The following FGFRL1 variants were observed in gnomAD, a reference collection of about 807,000 sequenced individuals.
FGFRL1 encodes fibroblast growth factor receptor like 1.
In FGFRL1, 24 loss-of-function variants were observed where a neutral mutation model predicts 36.8. The ratio of observed to expected loss-of-function variants is 0.65; its 90% CI spans 0.47 to 0.92. The LOEUF (loss-of-function observed/expected upper bound fraction) is 0.92, where lower values mean the gene tolerates loss of function less well. Ranked by LOEUF, FGFRL1 falls within the 40% of genes least tolerant of loss-of-function variation. FGFRL1 has a pLI of 0.00. For synonymous variants in FGFRL1, 422 were observed against 344.1 expected (o/e 1.23, Z -2.50); for missense variants, 785 against 753.4 (o/e 1.04, Z -0.49).
intron 2 of FGFRL1, among the ~76,000 whole-genome samples, chr4:1,015,887 C>G (rs1448577920): frequency 1.3e-5 from 2 of 152,274 alleles, no homozygotes; most frequent in African/African-American, 4.8e-5. Context: ...CTGCCCTGTT[C>G]CCAGTGGTGA....
At chr4:1,014,893 A>G (rs908762407) in intron 2 of FGFRL1, among the ~76,000 whole-genome samples, 1 of 152,160 alleles carries the variant, frequency 6.6e-6, no homozygotes, top group African/African-American at 2.4e-5. Context: ...AGCCGTGAAC[A>G]AAGTCGCCTT....
chr4:1,013,115 G>A (rs1244948925), intron 2 of FGFRL1, among the ~76,000 whole-genome samples: 1 of 152,236 alleles, frequency 6.6e-6, no homozygotes, highest in Non-Finnish European at 1.5e-5. Context: ...CGGTTGTGTG[G>A]ACAAGTCCCC....
chr4:1,016,383 C>G (rs1715887758), intron 2 of FGFRL1, among the ~76,000 whole-genome samples: 1 of 152,110 alleles, frequency 6.6e-6, no homozygotes, highest in South Asian at 2.1e-4. Context: ...CTGGGTGGGC[C>G]TGGTGAGGTC....
Position 1,025,661 on chromosome 4 carries a change from G to A in FGFRL1, c.*314G>A, listed in dbSNP as rs1191566829. 1 of 467,224 alleles carries A rather than the reference G, an allele frequency of 2.1e-6. No individual in the cohort carries two copies. The highest frequency in any genetic ancestry group is 3.9e-6 in the Non-Finnish European group (1 of 258,584). 28.9% of individuals were successfully genotyped at this position (467,224 alleles called of 1,614,324 possible). On this transcript the variant is annotated 3_prime_UTR_variant, in exon 7 of 7. Coordinates refer to ENST00000510644, the MANE Select transcript of FGFRL1 (RefSeq NM_001004356.3). The stretch of plus-strand genomic sequence containing the variant: ...AATGCACGCACACGCACAGAGACAT[G>A]CCAGAACATACAAGGACATGCTGCC...
chr4:1,013,025 C>T (rs1357218073), intron 2 of FGFRL1, among the ~76,000 whole-genome samples: 1 of 152,192 alleles, frequency 6.6e-6, no homozygotes, highest in African/African-American at 2.4e-5. Flanking sequence ...GGGACTGAAA[C>T]TGACCCCCAG....
At chr4:1,012,313 C>T (rs1162692132) in intron 1 of FGFRL1, 157 bp from the exon 2 acceptor site, 7 of 709,624 alleles carry the variant, frequency 9.9e-6, no homozygotes, top group Admixed American at 3.2e-5. Context: ...CCTTTGATAC[C>T]CACAGCTTCT....
intron 2 of FGFRL1, among the ~76,000 whole-genome samples, chr4:1,019,966 C>G (rs539401892): frequency 6.6e-6 from 1 of 152,344 alleles, no homozygotes; most frequent in African/African-American, 2.4e-5. Context: ...CCCCAGCGGC[C>G]AATGATGCCT....
At chr4:1,024,738 C>T (rs1216092350) in intron 6 of FGFRL1, 74 bp downstream of exon 6, 25 of 1,468,070 alleles carry the variant, frequency 1.7e-5, no homozygotes, top group Admixed American at 4.2e-5. Context: ...TCCCACCCAC[C>T]GGGTGGGGCC....
intron 2 of FGFRL1, among the ~76,000 whole-genome samples, chr4:1,015,137 C>T (rs1715821789): frequency 6.6e-6 from 1 of 152,212 alleles, no homozygotes; most frequent in Admixed American, 6.5e-5. Flanking sequence ...CAGACTGGAC[C>T]CCGGCTGCTG....
intron 3 of FGFRL1, 139 bp downstream of exon 3, chr4:1,022,614 A>T: frequency 1.8e-6 from 2 of 1,090,020 alleles, no homozygotes; most frequent in Non-Finnish European, 2.5e-6. Context: ...GCCCTGCCCC[A>T]CCTCAGCTGG....
intron 5 of FGFRL1, 62 bp from the exon 6 acceptor site, chr4:1,024,249 G>A (rs947346158): frequency 3.3e-6 from 5 of 1,516,936 alleles, no homozygotes; most frequent in African/African-American, 1.4e-5. Flanking sequence ...TGGGCCCAGG[G>A]TGCTGGCGGG....
rs1716033419 is a variant in FGFRL1, at chr4:1,018,945, A to G, written c.80-3258A>G. On this transcript the variant is annotated intron_variant, in intron 2 of 6. Transcript: ENST00000510644. ...GAGGGAGGCTGTTTGCTTTAGGATA[A>G]GCCTGGCTCCTCTGGCCCAGCTGCC... 2.0e-5 allele frequency among the ~76,000 whole-genome samples: 3 copies of G among 152,032 alleles called. No homozygotes were observed. The South Asian group carries it at 6.2e-4, about 32-fold the overall frequency.
At position 1,023,422 on chromosome 4, in the gene FGFRL1, A is replaced by G. The variant is rs1466842886; in HGVS notation, c.353-219A>G. ...GAATGGGGGCCGGCCCTCCAGCCCC[A>G]CCCGTGCCCATCAGGGTCACCTGCG... On this transcript the variant is annotated intron_variant, in intron 3 of 6. Transcript: ENST00000510644. This position sits in a 1 kb window ranked among gnomAD's most constrained non-coding sequence, Gnocchi z 6.0. Among the ~76,000 whole-genome samples the G allele has an allele frequency of 6.6e-6, 1 of 151,878 alleles. No homozygotes were observed. Among genetic ancestry groups the G allele is most frequent in the Admixed American group, 6.5e-5 (1 of 15,272 alleles).
At position 1,026,273 on chromosome 4, in the gene FGFRL1, C is replaced by T. The variant is rs1193233371; in HGVS notation, c.*926C>T. 2 of 158,356 alleles carry T rather than the reference C, an allele frequency of 1.3e-5. No homozygotes were observed. Among genetic ancestry groups the T allele is most frequent in the South Asian group, 1.8e-4 (1 of 5,590 alleles). 9.8% of individuals were successfully genotyped at this position (158,356 alleles called of 1,614,324 possible). ...GCCTGGGCACACACTTCCGGACACA[C>T]ATGCACACACAGGTGCAGATATGCT... On this transcript the variant is annotated 3_prime_UTR_variant, in exon 7 of 7. Coordinates refer to ENST00000510644, the MANE Select transcript of FGFRL1 (RefSeq NM_001004356.3).
chr4:1,012,216 C>G (rs1577553096), intron 1 of FGFRL1: 2 of 444,762 alleles, frequency 4.5e-6, no homozygotes, highest in African/African-American at 2.1e-5. Context: ...CGGGCAGGGC[C>G]GGAGTTACAA....
rs778748309 is a variant in FGFRL1 at position 1,024,537 on chromosome 4, C to T, written c.945C>T (p.Pro315=). 1.2e-5 allele frequency: 19 copies of T among 1,612,352 alleles called. No individual in the cohort carries two copies. Among genetic ancestry groups the T allele is most frequent in the Middle Eastern group, 3.3e-4 (2 of 6,082 alleles). ...CCACGGGTGACGTGTGGTCGCGGCCCGACGGCTCCTACCTCAATAAGCTGC... is the reference window on the plus strand; with the variant it reads ...CCACGGGTGACGTGTGGTCGCGGCCTGACGGCTCCTACCTCAATAAGCTGC... ...VLPTGDVWSR[P]DGSYLNKLLI... is the part of the protein sequence containing the mutation. The change falls in exon 6 of 7, where the codon CCC becomes CCT. Residue 315 remains proline (P), a synonymous_variant. Transcript: ENST00000510644.
chr4:1,012,176 T>G (rs1480858051), intron 1 of FGFRL1: 2 of 242,376 alleles, frequency 8.3e-6, no homozygotes, highest in African/African-American at 4.6e-5. Context: ...CAGGCGATTA[T>G]CTGCGGGGCG....
At chr4:1,022,867 C>T (rs1716274071) in intron 3 of FGFRL1, among the ~76,000 whole-genome samples, 1 of 152,022 alleles carries the variant, frequency 6.6e-6, no homozygotes, top group African/African-American at 2.4e-5. Flanking sequence ...CTGTTCTCTT[C>T]TGCGCCTGGG....
intron 2 of FGFRL1, among the ~76,000 whole-genome samples, chr4:1,015,707 C>T (rs539464747): frequency 2.8e-4 from 42 of 152,356 alleles, no homozygotes; most frequent in Non-Finnish European, 5.1e-4. Context: ...AAAGAGGGAG[C>T]CGGGCTGTTG....
Sources: gnomAD v4.1 joint callset for allele counts (sites outside exome capture counted in the v4.1 genomes callset) on GRCh38, gnomAD v4.1.1 for gene constraint, Gnocchi (gnomAD v3.1) non-coding constraint, MANE v1.5 for transcripts, NCBI Gene and HGNC (gene_info 2026-07-23, HGNC 2026-07-21) for gene names.